The following LAMA3 variants were observed in gnomAD, a reference collection of about 807,000 sequenced individuals.
LAMA3 encodes laminin subunit alpha 3.
Under a neutral mutation model 402.0 loss-of-function variants are expected in LAMA3, and 281 were observed. The observed-to-expected ratio is 0.70, with a 90% CI of 0.63 to 0.77. The LOEUF (loss-of-function observed/expected upper bound fraction) is 0.77, where lower values mean the gene tolerates loss of function less well. Among genes scored for constraint, LAMA3 ranks in the 30% least tolerant of loss-of-function variants. LAMA3 has a pLI of 0.00. For synonymous variants in LAMA3, 1,431 were observed against 1,558.4 expected (o/e 0.92, Z 1.93); for missense variants, 3,840 against 4,215.5 (o/e 0.91, Z 2.47).
At chr18:23,878,900 G>A (rs917457712) in intron 39 of LAMA3, among the ~76,000 whole-genome samples, 3 of 152,096 alleles carry the variant, frequency 2.0e-5, no homozygotes, top group African/African-American at 7.2e-5. Flanking sequence ...AGGGACCTGC[G>A]ATGATGGCCT....
chr18:23,927,150 G>A (rs1399943280), intron 62 of LAMA3, among the ~76,000 whole-genome samples: 1 of 152,130 alleles, frequency 6.6e-6, no homozygotes, highest in African/African-American at 2.4e-5. Flanking sequence ...AGCTCTTGCT[G>A]TACGTTAACT....
chr18:23,884,884 G>C, intron 41 of LAMA3, 31 bp downstream of exon 41: 1 of 1,558,810 alleles, frequency 6.4e-7, no homozygotes, highest in Non-Finnish European at 8.8e-7. Flanking sequence ...GCCTCAGCCT[G>C]CAGAGGGGGC....
intron 1 of LAMA3, among the ~76,000 whole-genome samples, chr18:23,695,438 C>A (rs934111832): frequency 3.9e-5 from 6 of 151,984 alleles, no homozygotes; most frequent in African/African-American, 1.5e-4. Context: ...GTTTGTGAGA[C>A]TTTGCAACCT....
intron 20 of LAMA3, among the ~76,000 whole-genome samples, chr18:23,824,096 C>T (rs892779370): frequency 1.3e-5 from 2 of 152,030 alleles, no homozygotes; most frequent in Non-Finnish European, 1.5e-5. Context: ...AATTTAGTAG[C>T]TAATGTAATA....
chr18:23,934,093 G>C (rs979310165), intron 67 of LAMA3, among the ~76,000 whole-genome samples, 158 bp downstream of exon 67: 1 of 152,138 alleles, frequency 6.6e-6, no homozygotes, highest in African/African-American at 2.4e-5. Flanking sequence ...ATGTCAAAAT[G>C]GTTTTCTTTT....
At chr18:23,805,314 C>T (rs191940018) in intron 12 of LAMA3, among the ~76,000 whole-genome samples, 66 of 152,218 alleles carry the variant, frequency 4.3e-4, no homozygotes, top group African/African-American at 1.5e-3. Context: ...ATAGATGAAT[C>T]GAATGGGCAA....
In LAMA3 at chr18:23,903,052, A is replaced by G; in HGVS notation, c.6245A>G (p.Lys2082Arg). The part of the protein sequence containing the change: ...EINSLQSDFT[K>R]YLTTADSSLL... ...AATTCCCTGCAGAGTGATTTCACCAAGTATCTAACCACTGCAGACTCATCT... is the reference window on the plus strand; with the variant it reads ...AATTCCCTGCAGAGTGATTTCACCAGGTATCTAACCACTGCAGACTCATCT... Residue 2082 changes from lysine to arginine, a missense_variant, in exon 49 of 75, where the codon AAG (lysine) becomes AGG (arginine). By Grantham distance (26) the Lys-to-Arg change is conservative. Coordinates refer to ENST00000313654, the MANE Select transcript of LAMA3 (RefSeq NM_198129.4). 6.2e-7 allele frequency: 1 copy of G among 1,612,992 alleles called. No homozygotes were observed. Among genetic ancestry groups the G allele is most frequent in the Non-Finnish European group, 8.5e-7 (1 of 1,179,090 alleles).
chr18:23,757,661 G>A (rs1247409285), intron 6 of LAMA3, among the ~76,000 whole-genome samples: 1 of 152,190 alleles, frequency 6.6e-6, no homozygotes, highest in African/African-American at 2.4e-5. Flanking sequence ...AGACAGCTGC[G>A]CAAGACGGAA....
At chr18:23,942,490 G>A (rs1335365009) in intron 68 of LAMA3, among the ~76,000 whole-genome samples, 1 of 152,074 alleles carries the variant, frequency 6.6e-6, no homozygotes, top group Non-Finnish European at 1.5e-5. Flanking sequence ...GGATGGATGA[G>A]TGTGAGTTTT....
chr18:23,757,520 T>TC (rs1180956823), intron 6 of LAMA3, among the ~76,000 whole-genome samples: 4 of 121,306 alleles, frequency 3.3e-5, no homozygotes, highest in African/African-American at 6.3e-5. Context: ...TCGCTCCAGC[T>TC]CCCCCCAGCA....
At chr18:23,838,967 A>C in intron 26 of LAMA3, 89 bp downstream of exon 26, 1 of 838,846 alleles carries the variant, frequency 1.2e-6, no homozygotes, top group Non-Finnish European at 2.1e-6. Context: ...AACGTCAGAA[A>C]TGATCATAAG....
rs181560072 is a variant in LAMA3, at chr18:23,917,144, G to A, written c.7923+449G>A. Among the ~76,000 whole-genome samples, 52 of 152,194 alleles carry A rather than the reference G, an allele frequency of 3.4e-4. No individual in the cohort carries two copies. The East Asian group carries it at 7.3e-3, about 22-fold the overall frequency. On this transcript the variant is annotated intron_variant, in intron 60 of 74. Coordinates refer to ENST00000313654, the MANE Select transcript of LAMA3 (RefSeq NM_198129.4). ...TATTTGGTTTTCTGTTCCTACGTTC[G>A]TTTGTTTAGGATTATGGCCTCCAGC... is the stretch of plus-strand genomic sequence containing the variant.
intron 42 of LAMA3, among the ~76,000 whole-genome samples, chr18:23,890,797 A>G (rs2080633608): frequency 6.6e-6 from 1 of 152,248 alleles, no homozygotes; most frequent in African/African-American, 2.4e-5. Context: ...TGGTCAAGTG[A>G]CTATCCCCAA....
At chr18:23,855,035 C>A (rs995265032) in intron 32 of LAMA3, among the ~76,000 whole-genome samples, 7 of 152,004 alleles carry the variant, frequency 4.6e-5, no homozygotes, top group African/African-American at 2.4e-5. Context: ...ACCACACACA[C>A]AAAAAAACCA....
intron 60 of LAMA3, among the ~76,000 whole-genome samples, chr18:23,920,350 T>A (rs556830763): frequency 6.6e-6 from 1 of 152,040 alleles, no homozygotes; most frequent in Non-Finnish European, 1.5e-5. Flanking sequence ...AGGTCTAGGC[T>A]GGGGAGAACA....
intron 12 of LAMA3, among the ~76,000 whole-genome samples, chr18:23,808,201 CA>C (rs2063000895): frequency 6.6e-6 from 1 of 151,998 alleles, no homozygotes; most frequent in Admixed American, 6.6e-5. Context: ...CCATGGGCAC[CA>C]AAAGGCAAGG....
chr18:23,845,876 A>G (rs1045096175), intron 30 of LAMA3, among the ~76,000 whole-genome samples: 2 of 152,156 alleles, frequency 1.3e-5, no homozygotes, highest in African/African-American at 4.8e-5. Flanking sequence ...GTCATGTGGG[A>G]TATTACTAAG....
chr18:23,832,334 T>C (rs1232434149), intron 23 of LAMA3, among the ~76,000 whole-genome samples: 6 of 152,186 alleles, frequency 3.9e-5, no homozygotes, highest in African/African-American at 1.4e-4. Context: ...AACATTGGTA[T>C]GGCTGATCCA....
chr18:23,785,177 C>T (rs543690882), intron 12 of LAMA3, among the ~76,000 whole-genome samples: 1 of 152,330 alleles, frequency 6.6e-6, no homozygotes, highest in South Asian at 2.1e-4. Flanking sequence ...ATGCAGCCTC[C>T]TCCTTATTTC....
Sources: allele counts gnomAD v4.1 joint callset (sites outside exome capture counted in the v4.1 genomes callset), GRCh38; gene constraint gnomAD v4.1.1; transcripts MANE v1.5; gene names NCBI Gene and HGNC (gene_info 2026-07-23, HGNC 2026-07-21).